PDE11A: variants seen among roughly 807,000 people sequenced by gnomAD.
PDE11A encodes the protein dual 3',5'-cyclic-AMP and -GMP phosphodiesterase 11A.
A neutral mutation model predicts 100.5 loss-of-function variants in PDE11A; 100 were observed. That is an observed-to-expected ratio of 1.00 (90% confidence interval 0.85 to 1.18). The LOEUF is 1.18. Ranked by LOEUF, PDE11A falls within the 50% of genes most tolerant of loss-of-function variation. PDE11A has a pLI of 0.00. For missense variants in PDE11A, 1,141 were observed against 1,152.6 expected, an observed-to-expected ratio of 0.99 and a Z score of 0.15; for synonymous variants, 381 against 420.8, an observed-to-expected ratio of 0.91 and a Z score of 1.16.
At chr2:177,765,502 C>G (rs1260817408) in intron 10 of PDE11A, among the ~76,000 whole-genome samples, 2 of 152,184 alleles carry the variant, frequency 1.3e-5, no homozygotes, top group Non-Finnish European at 2.9e-5. Context: ...GACCACTGAG[C>G]CTGCATTGAT....
chr2:177,865,300 A>C (rs555345672), intron 5 of PDE11A, among the ~76,000 whole-genome samples: 1 of 152,248 alleles, frequency 6.6e-6, no homozygotes, highest in Non-Finnish European at 1.5e-5. Context: ...AAAAAACAAA[A>C]ACCACAATGA....
At chr2:177,845,752 A>C (rs576896813) in intron 5 of PDE11A, among the ~76,000 whole-genome samples, 1 of 152,318 alleles carries the variant, frequency 6.6e-6, no homozygotes, top group Non-Finnish European at 1.5e-5. Context: ...TTGAGCACTG[A>C]GTGAACGAGA....
At chr2:177,820,173 T>C in intron 7 of PDE11A, 47 bp downstream of exon 7, 1 of 1,017,364 alleles carries the variant, frequency 9.8e-7, no homozygotes, top group Non-Finnish European at 1.6e-6. Flanking sequence ...TAAAGCAAAC[T>C]TCTGTTTCTT....
In PDE11A at chr2:177,749,192, GT is replaced by G. The variant is rs149636055; in HGVS notation, c.1788+20130del. Among the ~76,000 whole-genome samples the G allele has an allele frequency of 7.8e-4, 66 of 84,092 alleles. 1 individual carries two copies. Among genetic ancestry groups the G allele is most frequent in the South Asian group, 6.7e-3 (15 of 2,252 alleles). 55.2% of individuals were successfully genotyped at this position (84,092 alleles called of 152,430 possible). A position where few individuals can be genotyped will look rare whatever the true frequency, so the allele number is the denominator to read the frequency against. On this transcript the variant is annotated intron_variant, in intron 10 of 19. Transcript: ENST00000286063. ...CATTATTTTTGCTGGAAATACAGGA[GT>G]TTTGTTTGTTTGTTTGTTTGTTTGT...
intron 1 of PDE11A, among the ~76,000 whole-genome samples, chr2:178,048,823 T>G (rs1404932819): frequency 6.6e-6 from 1 of 152,212 alleles, no homozygotes; most frequent in Non-Finnish European, 1.5e-5. Flanking sequence ...ATATCCCATA[T>G]GCATTTCTTT....
chr2:177,773,940 T>G (rs758561000), intron 9 of PDE11A, among the ~76,000 whole-genome samples: 13 of 152,192 alleles, frequency 8.5e-5, no homozygotes, highest in Admixed American at 2.6e-4. Context: ...GACCCTTAAA[T>G]CTTGCTTAAG....
rs551000937 is a variant in PDE11A, at chr2:178,068,520, T to TA, written c.912+3005dup. 5.7e-3 allele frequency among the ~76,000 whole-genome samples: 836 copies of TA among 147,290 alleles called. 8 individuals carry two copies. Among genetic ancestry groups the TA allele is most frequent in the Middle Eastern group, 0.014 (4 of 286 alleles). ...GATTAAATTTGGAAATTCTGTGTGA[T>TA]AAAAAAAAAACCTTACCTCCTGAAG... is the stretch of plus-strand genomic sequence containing the variant. On this transcript the variant is annotated intron_variant, in intron 1 of 19. Transcript: ENST00000286063.
chr2:178,039,114 T>C (rs896185650), intron 1 of PDE11A: 1 of 152,100 alleles, frequency 6.6e-6, no homozygotes, highest in African/African-American at 2.4e-5. Context: ...AGACATGGAA[T>C]CAATGTTTTT....
chr2:177,944,345 T>C (rs531083397), intron 2 of PDE11A, among the ~76,000 whole-genome samples: 9 of 152,268 alleles, frequency 5.9e-5, no homozygotes, highest in Admixed American at 1.3e-4. Context: ...ATAATCAAAA[T>C]ATAACCAAAA....
chr2:178,047,656 A>G (rs2086768566), intron 1 of PDE11A, among the ~76,000 whole-genome samples: 1 of 152,158 alleles, frequency 6.6e-6, no homozygotes, highest in Non-Finnish European at 1.5e-5. Flanking sequence ...TCACACTATG[A>G]GCAGATCAGA....
chr2:178,024,061 T>A (rs938628059), intron 1 of PDE11A, among the ~76,000 whole-genome samples: 14 of 152,096 alleles, frequency 9.2e-5, no homozygotes, highest in Non-Finnish European at 1.6e-4. Context: ...CTGGAGGGGA[T>A]CTGACTTCTG....
intron 2 of PDE11A, among the ~76,000 whole-genome samples, chr2:177,933,441 G>C (rs1231669929): frequency 6.6e-6 from 1 of 152,164 alleles, no homozygotes; most frequent in Non-Finnish European, 1.5e-5. Context: ...AGCACTTTGG[G>C]AGGCCGAGGT....
chr2:177,633,286 A>C (rs776541475), intron 19 of PDE11A, among the ~76,000 whole-genome samples: 2 of 152,236 alleles, frequency 1.3e-5, no homozygotes, highest in Non-Finnish European at 2.9e-5. Flanking sequence ...GGGAGTAGTC[A>C]ATAGTAAGTC....
chr2:177,652,995 G>A (rs982781495), intron 19 of PDE11A, among the ~76,000 whole-genome samples: 8 of 152,182 alleles, frequency 5.3e-5, no homozygotes, highest in African/African-American at 1.9e-4. Flanking sequence ...ACCTATTCAA[G>A]GCAGAGTACA....
intron 13 of PDE11A, among the ~76,000 whole-genome samples, chr2:177,710,142 G>A (rs1177631591): frequency 6.6e-6 from 1 of 152,114 alleles, no homozygotes; most frequent in African/African-American, 2.4e-5. Flanking sequence ...ATGGCACAAA[G>A]TCCCAGAGGA....
intron 2 of PDE11A, among the ~76,000 whole-genome samples, chr2:177,908,441 AG>A (rs1401539654): frequency 6.6e-6 from 1 of 152,214 alleles, no homozygotes; most frequent in East Asian, 1.9e-4. Flanking sequence ...GGGGCAGAAA[AG>A]AAACTGAGCC....
At chr2:177,751,675 C>T (rs2082028755) in intron 10 of PDE11A, among the ~76,000 whole-genome samples, 2 of 151,904 alleles carry the variant, frequency 1.3e-5, no homozygotes, top group East Asian at 1.9e-4. Flanking sequence ...TTCTCCTCCC[C>T]TTTAAATAAG....
At chr2:177,680,182 T>C (rs1458228275) in intron 16 of PDE11A, among the ~76,000 whole-genome samples, 1 of 151,970 alleles carries the variant, frequency 6.6e-6, no homozygotes, top group Non-Finnish European at 1.5e-5. Flanking sequence ...CAGCAAAACT[T>C]AGCAATGTTA....
At chr2:177,645,459 G>A (rs567792997) in intron 19 of PDE11A, among the ~76,000 whole-genome samples, 1 of 152,238 alleles carries the variant, frequency 6.6e-6, no homozygotes, top group Non-Finnish European at 1.5e-5. Context: ...GCTTCCCAAA[G>A]TGCTGGGATT....
Sources: gnomAD v4.1 joint callset for allele counts (sites outside exome capture counted in the v4.1 genomes callset) on GRCh38, gnomAD v4.1.1 for gene constraint, MANE v1.5 for transcripts, NCBI Gene and HGNC (gene_info 2026-07-23, HGNC 2026-07-21) for gene names.